KLRF1: variants seen among roughly 807,000 people sequenced by gnomAD.
KLRF1 encodes killer cell lectin-like receptor subfamily F member 1.
A neutral mutation model predicts 30.7 loss-of-function variants in KLRF1; 27 were observed. The observed-to-expected ratio is 0.88, with a 90% CI of 0.65 to 1.21. The LOEUF is 1.21. Among genes scored for constraint, KLRF1 ranks in the 50% most tolerant of loss-of-function variants. The probability of loss-of-function intolerance (pLI) is 0.00; values close to 1 mark genes in which losing one functional copy is unlikely to be tolerated. For missense variants in KLRF1, 246 were observed against 259.3 expected (o/e 0.95, Z 0.35); for synonymous variants, 92 against 89.3 (o/e 1.03, Z -0.17).
rs1565511532 is a variant in KLRF1 at position 9,844,472 on chromosome 12, CA to C, written c.646del (p.Ile216PhefsTer19). 1.2e-6 allele frequency: 2 copies of C among 1,611,108 alleles called. No individual in the cohort carries two copies. Among genetic ancestry groups the C allele is most frequent in the Middle Eastern group, 1.7e-4 (1 of 5,848 alleles). ...ACAGCTGTGCTGCCATTAAGGAAAG[CA>C]AAATTTTCTCTGAAACCTGCAGCAG... ...ENSCAAIKES[K>X]IFSETCSSVF... is the part of the protein sequence containing the mutation. On this transcript the variant is annotated frameshift_variant, in exon 6 of 6. Coordinates refer to ENST00000617889, the MANE Select transcript of KLRF1 (RefSeq NM_016523.3). LOFTEE classifies it high-confidence loss of function.
the KLRF1 span, among the ~76,000 whole-genome samples, chr12:9,801,396 G>C: frequency 4.0e-5 from 6 of 151,738 alleles, no homozygotes; most frequent in African/African-American, 1.5e-4. Context: ...TGGTATTTCT[G>C]GTACTAGATC....
At chr12:9,830,316 T>C (rs1323428977) in intron 1 of KLRF1, among the ~76,000 whole-genome samples, 1 of 151,702 alleles carries the variant, frequency 6.6e-6, no homozygotes, top group Non-Finnish European at 1.5e-5. Context: ...AGTTTTTCAA[T>C]TGATTCTTTT....
chr12:9,827,377 C>G (rs777779752), upstream of KLRF1: 2 of 399,530 alleles, frequency 5.0e-6, no homozygotes, highest in Non-Finnish European at 8.9e-6. Context: ...AACATTTCCT[C>G]TGAGGTTTTC....
chr12:9,832,673 G>A (rs909034329), intron 2 of KLRF1, among the ~76,000 whole-genome samples: 19 of 151,730 alleles, frequency 1.3e-4, no homozygotes, highest in Admixed American at 9.2e-4. Flanking sequence ...GTGTGTGTGT[G>A]TGTGTGTGTG....
the KLRF1 span, among the ~76,000 whole-genome samples, chr12:9,812,197 C>G: frequency 6.6e-6 from 1 of 151,952 alleles, no homozygotes; most frequent in African/African-American, 2.4e-5. Context: ...AACCCCGTCT[C>G]TACTAAAAAT....
upstream of KLRF1, among the ~76,000 whole-genome samples, chr12:9,826,955 G>A (rs746080177): frequency 6.6e-6 from 1 of 150,898 alleles, no homozygotes; most frequent in African/African-American, 2.5e-5. Flanking sequence ...GAAATAATAT[G>A]TACAACAAAC....
intron 2 of KLRF1, 84 bp downstream of exon 2, chr12:9,832,498 T>C (rs1018425201): frequency 1.3e-6 from 1 of 793,780 alleles, no homozygotes; most frequent in Non-Finnish European, 2.1e-6. Flanking sequence ...TATTCATTCA[T>C]TCTTCACTAC....
the KLRF1 span, among the ~76,000 whole-genome samples, chr12:9,815,053 T>C: frequency 6.6e-6 from 1 of 152,184 alleles, no homozygotes; most frequent in Non-Finnish European, 1.5e-5. Context: ...ACACCCTGAC[T>C]TGATAATTAC....
At chr12:9,807,255 C>T in the KLRF1 span, among the ~76,000 whole-genome samples, 3 of 151,762 alleles carry the variant, frequency 2.0e-5, no homozygotes, top group Admixed American at 1.3e-4. Context: ...ATGTTACAGA[C>T]CAAAGAATAA....
At chr12:9,802,289 C>A in the KLRF1 span, among the ~76,000 whole-genome samples, 1 of 151,966 alleles carries the variant, frequency 6.6e-6, no homozygotes. Flanking sequence ...ATTCAACATC[C>A]CTTCATGTTA....
At chr12:9,835,163 A>G (rs1867546418) in intron 3 of KLRF1, among the ~76,000 whole-genome samples, 2 of 152,072 alleles carry the variant, frequency 1.3e-5, no homozygotes, top group Non-Finnish European at 2.9e-5. Context: ...CTATTTGCAA[A>G]TTGAATTTTG....
the KLRF1 span, among the ~76,000 whole-genome samples, chr12:9,810,407 TC>T: frequency 2.0e-5 from 3 of 152,028 alleles, no homozygotes; most frequent in Non-Finnish European, 4.4e-5. Context: ...CAAATTAAAT[TC>T]CTCTCCAAGA....
the KLRF1 span, among the ~76,000 whole-genome samples, chr12:9,807,824 T>A: frequency 2.0e-5 from 3 of 152,104 alleles, no homozygotes; most frequent in Non-Finnish European, 2.9e-5. Flanking sequence ...TAACCAGACA[T>A]AAGACTCTTA....
the KLRF1 span, among the ~76,000 whole-genome samples, chr12:9,818,493 A>G: frequency 2.0e-5 from 3 of 152,246 alleles, no homozygotes; most frequent in Admixed American, 2.0e-4. Context: ...ATGACAATGG[A>G]TAAGACATTC....
chr12:9,843,553 A>C (rs1210006340), intron 5 of KLRF1, among the ~76,000 whole-genome samples: 3 of 152,138 alleles, frequency 2.0e-5, no homozygotes, highest in Non-Finnish European at 4.4e-5. Context: ...TGCAGTGTAA[A>C]ATTATGGATG....
chr12:9,819,879 G>A, the KLRF1 span, among the ~76,000 whole-genome samples: 1 of 152,220 alleles, frequency 6.6e-6, no homozygotes, highest in Non-Finnish European at 1.5e-5. Flanking sequence ...ACCACCGGGT[G>A]TTTTCCAGTT....
chr12:9,835,396 G>A (rs902058062), intron 3 of KLRF1, among the ~76,000 whole-genome samples: 4 of 152,048 alleles, frequency 2.6e-5, no homozygotes, highest in African/African-American at 7.2e-5. Context: ...GGGTAACTGC[G>A]TAGAGGGGGA....
chr12:9,837,275 C>CT (rs898760189), intron 3 of KLRF1, among the ~76,000 whole-genome samples: 3 of 151,582 alleles, frequency 2.0e-5, no homozygotes, highest in African/African-American at 7.3e-5. Flanking sequence ...CATTTTATTC[C>CT]TTTTTATGGG....
the KLRF1 span, among the ~76,000 whole-genome samples, chr12:9,811,510 A>G: frequency 6.6e-6 from 1 of 152,122 alleles, no homozygotes; most frequent in Admixed American, 6.5e-5. Context: ...AGCCCGTTAT[A>G]CTCACTTGCC....
Sources: gnomAD v4.1 joint callset for allele counts (sites outside exome capture counted in the v4.1 genomes callset) on GRCh38, gnomAD v4.1.1 for gene constraint, MANE v1.5 for transcripts, NCBI Gene and HGNC (gene_info 2026-07-23, HGNC 2026-07-21) for gene names.